DOCK4: variants seen among roughly 807,000 people sequenced by gnomAD.
DOCK4 encodes the protein dedicator of cytokinesis protein 4.
Under a neutral mutation model 268.1 loss-of-function variants are expected in DOCK4, and 97 were observed. That is an observed-to-expected ratio of 0.36 (90% CI 0.31 to 0.43). The LOEUF is 0.43. DOCK4 is among the 20% of genes least tolerant of loss of function. The pLI, the probability that DOCK4 is intolerant of heterozygous loss-of-function variation, is 1.00. For synonymous variants in DOCK4, 954 were observed against 887.2 expected (o/e 1.08, Z -1.34); for missense variants, 2,145 against 2,455.7 (o/e 0.87, Z 2.67).
intron 8 of DOCK4, among the ~76,000 whole-genome samples, chr7:111,969,120 T>C (rs1797480205): frequency 8.1e-6 from 1 of 123,486 alleles, no homozygotes; most frequent in Non-Finnish European, 1.7e-5. Flanking sequence ...AGATGACACA[T>C]TAGTGGGTGC....
intron 8 of DOCK4, among the ~76,000 whole-genome samples, chr7:111,976,161 AAT>A (rs1554400642): frequency 2.1e-4 from 7 of 34,012 alleles, no homozygotes; most frequent in Non-Finnish European, 3.2e-4. Flanking sequence ...AAAAAAAAAA[AAT>A]ATATATATAT....
chr7:112,133,584 G>T (rs1326747882), intron 1 of DOCK4, among the ~76,000 whole-genome samples: 1 of 152,122 alleles, frequency 6.6e-6, no homozygotes, highest in Non-Finnish European at 1.5e-5. Context: ...AGCCGGGCAT[G>T]GTGGCGTGCA....
rs11976702 is a variant in DOCK4 at position 111,905,240 on chromosome 7, G to T, written c.1193-3439C>A. Among the ~76,000 whole-genome samples, 1,047 of 152,308 alleles carry T rather than the reference G, an allele frequency of 6.9e-3. 14 individuals carry two copies. The highest frequency in any genetic ancestry group is 0.024 in the African/African-American group (1,007 of 41,552). On this transcript the variant is annotated intron_variant, in intron 13 of 52. Coordinates refer to ENST00000428084, the MANE Select transcript of DOCK4 (RefSeq NM_001363540.2). ...CAGAAAGCATCTTGGGTAATTAAGA[G>T]AGAAACCATCAAGTCAGTATGAAAT...
At chr7:112,193,951 A>T (rs1426258976) in intron 1 of DOCK4, among the ~76,000 whole-genome samples, 1 of 152,004 alleles carries the variant, frequency 6.6e-6, no homozygotes, top group Non-Finnish European at 1.5e-5. Context: ...ACCTATGAAG[A>T]GAGCATGTGA....
chr7:112,051,339 T>C (rs1328029252), intron 1 of DOCK4, among the ~76,000 whole-genome samples: 1 of 152,104 alleles, frequency 6.6e-6, no homozygotes, highest in Non-Finnish European at 1.5e-5. Context: ...ACTAATATGA[T>C]GGAGGGTAGG....
At chr7:111,904,357 A>G (rs1276525360) in intron 13 of DOCK4, among the ~76,000 whole-genome samples, 3 of 152,214 alleles carry the variant, frequency 2.0e-5, no homozygotes, top group African/African-American at 4.8e-5. Context: ...TAAATACATA[A>G]ATAAGTAAAA....
At chr7:112,068,630 G>C (rs1332904528) in intron 1 of DOCK4, among the ~76,000 whole-genome samples, 1 of 152,178 alleles carries the variant, frequency 6.6e-6, no homozygotes, top group Non-Finnish European at 1.5e-5. Context: ...GCAATGAGAA[G>C]CCTATAAGGC....
chr7:111,744,458 C>T (rs1039235224), intron 44 of DOCK4, among the ~76,000 whole-genome samples: 6 of 152,146 alleles, frequency 3.9e-5, no homozygotes, highest in African/African-American at 1.4e-4. Flanking sequence ...TGTCTTATAA[C>T]AGAGATCTCA....
intron 23 of DOCK4, among the ~76,000 whole-genome samples, chr7:111,851,996 C>G (rs548774580): frequency 2.9e-5 from 4 of 139,926 alleles, no homozygotes; most frequent in African/African-American, 1.1e-4. Flanking sequence ...CAGAGTCTCA[C>G]TCTGTCATCC....
intron 8 of DOCK4, among the ~76,000 whole-genome samples, chr7:111,952,121 TG>T (rs1400050296): frequency 4.0e-4 from 58 of 144,614 alleles, no homozygotes; most frequent in Admixed American, 3.4e-3. Flanking sequence ...ACCAAATAAA[TG>T]AATAAACAAA....
At chr7:111,959,828 C>T (rs1796724570) in intron 8 of DOCK4, among the ~76,000 whole-genome samples, 1 of 152,116 alleles carries the variant, frequency 6.6e-6, no homozygotes, top group South Asian at 2.1e-4. Context: ...TCATTCTTTT[C>T]CACCTATGAT....
chr7:112,063,502 G>A (rs991756730), intron 1 of DOCK4, among the ~76,000 whole-genome samples: 1 of 152,118 alleles, frequency 6.6e-6, no homozygotes, highest in Admixed American at 6.5e-5. Context: ...CACAAAACCT[G>A]TTTTATAATA....
chr7:111,793,721 G>GA (rs1233412633), intron 30 of DOCK4, among the ~76,000 whole-genome samples: 3 of 152,138 alleles, frequency 2.0e-5, no homozygotes, highest in East Asian at 1.9e-4. Context: ...CTAGTATCAA[G>GA]AAAAAACAAA....
chr7:112,038,011 A>G (rs2135491019), intron 1 of DOCK4, among the ~76,000 whole-genome samples: 1 of 152,328 alleles, frequency 6.6e-6, no homozygotes, highest in Admixed American at 6.5e-5. Context: ...AAGGTTATCC[A>G]GTTTCATTTT....
At chr7:112,128,932 TC>T (rs1384668743) in intron 1 of DOCK4, among the ~76,000 whole-genome samples, 1 of 152,148 alleles carries the variant, frequency 6.6e-6, no homozygotes. Context: ...AAAAAACTGA[TC>T]CCTCTCATAT....
At position 111,935,589 on chromosome 7, in the gene DOCK4, G is replaced by A. The variant is rs1794677744; in HGVS notation, c.1017C>T (p.Asn339=). 1 of 1,613,966 alleles carries A rather than the reference G, an allele frequency of 6.2e-7. No individual in the cohort carries two copies. Among genetic ancestry groups the A allele is most frequent in the South Asian group, 1.1e-5 (1 of 91,084 alleles). Residue 339 remains asparagine, a synonymous_variant, in exon 12 of 53, where the codon AAC becomes AAT. Transcript: ENST00000428084. ...TESEWYQIHE[N]IIKKLNARYN... ...AACGTGCATTCAGCTTTTTGATGAT[G>A]TTCTCATGGATTTGGTACCACTCAC...
intron 21 of DOCK4, 83 bp downstream of exon 21, chr7:111,869,491 T>C: frequency 8.4e-7 from 1 of 1,192,844 alleles, no homozygotes; most frequent in Non-Finnish European, 1.2e-6. Context: ...CCCATTACTG[T>C]CTGTGTAGAG....
At chr7:111,749,056 GGGA>G (rs1796464567) in intron 42 of DOCK4, among the ~76,000 whole-genome samples, 1 of 152,142 alleles carries the variant, frequency 6.6e-6, no homozygotes, top group African/African-American at 2.4e-5. Context: ...CACTAAGCAA[GGGA>G]ATGGATACCA....
chr7:111,972,160 G>T (rs991605668), intron 8 of DOCK4, among the ~76,000 whole-genome samples: 9 of 152,142 alleles, frequency 5.9e-5, no homozygotes, highest in African/African-American at 1.9e-4. Flanking sequence ...TTATTATTAA[G>T]ACTTTCAGTC....
Sources: allele counts gnomAD v4.1 joint callset (sites outside exome capture counted in the v4.1 genomes callset), GRCh38; gene constraint gnomAD v4.1.1; transcripts MANE v1.5; gene names NCBI Gene and HGNC (gene_info 2026-07-23, HGNC 2026-07-21).